PDZRN4: variants seen among roughly 807,000 people sequenced by gnomAD.
PDZRN4 encodes the protein PDZ domain containing ring finger 4, also known as PDZ domain-containing RING finger protein 4.
Under a neutral mutation model 99.0 loss-of-function variants are expected in PDZRN4, and 70 were observed. That is an observed-to-expected ratio of 0.71 (90% CI 0.58 to 0.86). PDZRN4 has a LOEUF of 0.86. PDZRN4 is among the 40% of genes least tolerant of loss of function. The pLI is 0.00. For missense variants in PDZRN4, 1,474 were observed against 1,331.2 expected (o/e 1.11, Z -1.67); for synonymous variants, 551 against 501.6 (o/e 1.10, Z -1.32).
At chr12:41,494,751 C>T (rs1251421739) in intron 3 of PDZRN4, among the ~76,000 whole-genome samples, 1 of 152,020 alleles carries the variant, frequency 6.6e-6, no homozygotes, top group Non-Finnish European at 1.5e-5. Flanking sequence ...GTGAATTTCC[C>T]TTAGGGTTTG....
intron 5 of PDZRN4, among the ~76,000 whole-genome samples, chr12:41,528,879 C>G (rs564735457): frequency 1.3e-5 from 2 of 152,118 alleles, no homozygotes; most frequent in African/African-American, 4.8e-5. Flanking sequence ...GCCCTATTGA[C>G]AGTTTAAATC....
chr12:41,286,441 G>A (rs1476972373), intron 3 of PDZRN4, among the ~76,000 whole-genome samples: 2 of 148,124 alleles, frequency 1.4e-5, no homozygotes, highest in Admixed American at 1.4e-4. Flanking sequence ...CCTCCTTAGA[G>A]ACTCTATTTT....
intron 3 of PDZRN4, among the ~76,000 whole-genome samples, chr12:41,408,303 A>G (rs1231126402): frequency 6.6e-6 from 1 of 152,242 alleles, no homozygotes; most frequent in Admixed American, 6.5e-5. Context: ...TTAATTTAGA[A>G]GTGTTCTGAA....
In PDZRN4 at chr12:41,563,763, TCAC is replaced by T. The variant is rs1440186359; in HGVS notation, c.1467+115_1467+117del. 1.7e-5 allele frequency: 13 copies of T among 754,618 alleles called. 1 individual carries two copies. The highest frequency in any genetic ancestry group is 5.0e-4 in the Middle Eastern group (2 of 3,964). The allele number at this position is 754,618 out of a possible 1,614,324, so 46.7% of individuals were successfully genotyped here. A position where few individuals can be genotyped will look rare whatever the true frequency, so the allele number is the denominator to read the frequency against. On this transcript the variant is annotated intron_variant, in intron 8 of 9. Coordinates refer to ENST00000402685, the MANE Select transcript of PDZRN4 (RefSeq NM_001164595.2). ...TCTGCTATTCTCTATCAAATCATTA[TCAC>T]GGTTATCTCTCCCCATATAACCCAC... is the stretch of plus-strand genomic sequence containing the variant.
At chr12:41,301,939 G>A (rs1021949989) in intron 3 of PDZRN4, among the ~76,000 whole-genome samples, 7 of 152,036 alleles carry the variant, frequency 4.6e-5, no homozygotes, top group South Asian at 2.1e-4. Flanking sequence ...CAAATCTGTT[G>A]ATGTCATTAT....
chr12:41,363,608 C>G (rs1951977807), intron 3 of PDZRN4, among the ~76,000 whole-genome samples: 1 of 146,284 alleles, frequency 6.8e-6, no homozygotes, highest in African/African-American at 2.5e-5. Context: ...GTTAAGGATG[C>G]ATTTATTCAG....
intron 3 of PDZRN4, among the ~76,000 whole-genome samples, chr12:41,438,332 G>A (rs1952649562): frequency 1.3e-5 from 2 of 152,150 alleles, no homozygotes; most frequent in Non-Finnish European, 2.9e-5. Context: ...TTGGAATACT[G>A]TTGACATTTG....
At chr12:41,408,133 A>G (rs1473285879) in intron 3 of PDZRN4, among the ~76,000 whole-genome samples, 1 of 152,228 alleles carries the variant, frequency 6.6e-6, no homozygotes, top group African/African-American at 2.4e-5. Context: ...TAATTTCAGG[A>G]AATGGATATT....
At chr12:41,272,199 A>G (rs73120974) in intron 3 of PDZRN4, among the ~76,000 whole-genome samples, 6,251 of 152,128 alleles carry the variant, frequency 0.041, 439 homozygotes, top group African/African-American at 0.14. Flanking sequence ...ATTTACTTTA[A>G]GAACATAAAA....
chr12:41,238,173 A>G (rs1951079132), intron 3 of PDZRN4, among the ~76,000 whole-genome samples: 1 of 152,052 alleles, frequency 6.6e-6, no homozygotes, highest in Non-Finnish European at 1.5e-5. Flanking sequence ...TTCTCTTTGA[A>G]GAGGGCCTTC....
intron 5 of PDZRN4, among the ~76,000 whole-genome samples, chr12:41,544,362 T>TA (rs1397946598): frequency 6.6e-6 from 1 of 152,224 alleles, no homozygotes; most frequent in Non-Finnish European, 1.5e-5. Flanking sequence ...CTAAGACAAT[T>TA]ATGCTGCTGT....
chr12:41,500,237 T>A lies in PDZRN4; in HGVS notation c.844-6219T>A, dbSNP rs185314886. ...GGGTTAGATATCACTTATTTTCATT[T>A]GTCTGAGAAAGCCAGCTGCCTGGCA... On this transcript the variant is annotated intron_variant, in intron 3 of 9. Coordinates refer to ENST00000402685, the MANE Select transcript of PDZRN4 (RefSeq NM_001164595.2). Among the ~76,000 whole-genome samples, 16 of 152,090 alleles carry A rather than the reference T, an allele frequency of 1.1e-4. No homozygotes were observed. In the East Asian group the frequency reaches 2.9e-3, roughly 28 times the overall value.
At chr12:41,223,804 G>T (rs1461368698) in intron 3 of PDZRN4, among the ~76,000 whole-genome samples, 2 of 152,194 alleles carry the variant, frequency 1.3e-5, no homozygotes, top group African/African-American at 4.8e-5. Context: ...TGCAGCACAG[G>T]CAGGGGGAGT....
intron 3 of PDZRN4, among the ~76,000 whole-genome samples, chr12:41,445,826 T>C (rs563590486): frequency 6.6e-6 from 1 of 152,234 alleles, no homozygotes; most frequent in African/African-American, 2.4e-5. Flanking sequence ...TTGTGACTCA[T>C]GTGAATTTAG....
At chr12:41,537,931 C>T (rs945856667) in intron 5 of PDZRN4, among the ~76,000 whole-genome samples, 3 of 151,854 alleles carry the variant, frequency 2.0e-5, no homozygotes, top group Non-Finnish European at 4.4e-5. Flanking sequence ...GCAGAAAGAA[C>T]TTCAGGCACT....
At chr12:41,471,078 T>A (rs1483876616) in intron 3 of PDZRN4, among the ~76,000 whole-genome samples, 1 of 152,224 alleles carries the variant, frequency 6.6e-6, no homozygotes, top group African/African-American at 2.4e-5. Context: ...TCATACACTA[T>A]GAACACAGCG....
chr12:41,254,015 A>G (rs1239096663), intron 3 of PDZRN4, among the ~76,000 whole-genome samples: 2 of 99,066 alleles, frequency 2.0e-5, no homozygotes, highest in Non-Finnish European at 4.2e-5. Flanking sequence ...AAAAGGAAAT[A>G]TATATATATA....
At chr12:41,347,036 G>A (rs1951859074) in intron 3 of PDZRN4, among the ~76,000 whole-genome samples, 2 of 152,096 alleles carry the variant, frequency 1.3e-5, no homozygotes, top group Non-Finnish European at 2.9e-5. Context: ...ATCATATTTA[G>A]TTTATCTATC....
chr12:41,496,948 G>T (rs1184607136), intron 3 of PDZRN4, among the ~76,000 whole-genome samples: 2 of 152,092 alleles, frequency 1.3e-5, no homozygotes, highest in African/African-American at 2.4e-5. Context: ...AGGGTATAAT[G>T]AACCTCTGGT....
Sources: allele counts gnomAD v4.1 joint callset (sites outside exome capture counted in the v4.1 genomes callset), GRCh38; gene constraint gnomAD v4.1.1; transcripts MANE v1.5; gene names NCBI Gene and HGNC (gene_info 2026-07-23, HGNC 2026-07-21).